The following NPC2 variants were observed in gnomAD, a reference collection of about 807,000 sequenced individuals.
NPC2 encodes Niemann-Pick disease type C2 protein.
A neutral mutation model predicts 17.0 loss-of-function variants in NPC2; 14 were observed. The ratio of observed to expected loss-of-function variants is 0.82; its 90% CI spans 0.54 to 1.29. The LOEUF is 1.29. Among genes scored for constraint, NPC2 ranks in the 50% most tolerant of loss-of-function variants. The probability of loss-of-function intolerance (pLI) is 0.00; values close to 1 mark genes in which losing one functional copy is unlikely to be tolerated. For synonymous variants in NPC2, 75 were observed against 69.3 expected (o/e 1.08, Z -0.41); for missense variants, 167 against 183.4 (o/e 0.91, Z 0.52).
At chr14:74,483,147 C>G (rs1225617422) in intron 3 of NPC2, 4 of 870,486 alleles carry the variant, frequency 4.6e-6, no homozygotes, top group Non-Finnish European at 7.7e-6. Flanking sequence ...ATACTGCAGG[C>G]ACAGGGCAAT....
chr14:74,491,332 A>G lies in NPC2; in HGVS notation c.82+1861T>C, dbSNP rs1366788588. On this transcript the variant is annotated intron_variant, in intron 1 of 4. Transcript: ENST00000555619. ...GTGATCTGCCCGTCTTGGCCTCCCA[A>G]AGTGCTGGGATTACAGGTGTGAGCC... Among the ~76,000 whole-genome samples, 3 of 152,124 alleles carry G rather than the reference A, an allele frequency of 2.0e-5. No homozygotes were observed. The East Asian group carries it at 5.8e-4, about 29-fold the overall frequency.
At chr14:74,480,331 C>G in intron 4 of NPC2, 43 bp from the exon 5 acceptor site, 1 of 1,518,266 alleles carries the variant, frequency 6.6e-7, no homozygotes, top group Non-Finnish European at 9.1e-7. Context: ...GGTTTGGAAC[C>G]TTTCCTCCAC....
chr14:74,493,132 C>CGG lies in NPC2; in HGVS notation c.82+59_82+60dup, dbSNP rs2086793890. 1 of 1,554,642 alleles carries CGG rather than the reference C, an allele frequency of 6.4e-7. No homozygotes were observed. Among genetic ancestry groups the CGG allele is most frequent in the Non-Finnish European group, 8.7e-7 (1 of 1,148,328 alleles). ...CAGCCCAGCCCCAGGGGTCTCAGCG[C>CGG]GGGGGTCCGGCGGGGCCTTCCACAG... On this transcript the variant is annotated intron_variant, in intron 1 of 4. Coordinates refer to ENST00000555619, the MANE Select transcript of NPC2 (RefSeq NM_006432.5). The surrounding 1 kb of genome is among the most constrained non-coding windows in gnomAD (Gnocchi z 4.1).
chr14:74,493,370 A>C (rs1383357995), upstream of NPC2: 11 of 1,552,700 alleles, frequency 7.1e-6, no homozygotes, highest in Admixed American at 9.8e-5. The surrounding 1 kb of genome is among the most constrained non-coding windows in gnomAD (Gnocchi z 4.1). Context: ...GAGCCCAGTC[A>C]GGCGACCTGT....
chr14:74,484,508 A>G lies in NPC2; in HGVS notation c.270T>C (p.Pro90=), dbSNP rs758503440. 78 of 1,614,026 alleles carry G rather than the reference A, an allele frequency of 4.8e-5. No homozygotes were observed. The highest frequency in any genetic ancestry group is 6.4e-5 in the Non-Finnish European group (75 of 1,180,036). The part of the protein sequence containing the change: ...GVPVPFPIPE[P]DGCKSGINCP... ...AGTTAATTCCACTCTTACAACCATC[A>G]GGCTCAGGAATGGGAAAGGGAACTG... The change falls in exon 3 of 5, where the codon CCT becomes CCC. Residue 90 remains proline, a synonymous_variant. Transcript: ENST00000555619.
At chr14:74,493,405 G>C (rs1034705388), upstream of NPC2, 1 of 1,530,764 alleles carries the variant, frequency 6.5e-7, no homozygotes, top group Non-Finnish European at 8.8e-7. The surrounding 1 kb of genome is among the most constrained non-coding windows in gnomAD (Gnocchi z 4.1). Flanking sequence ...GCTGAGGCCC[G>C]CCCGCGCCCC....
chr14:74,484,664 T>TCCCA, intron 2 of NPC2, 77 bp from the exon 3 acceptor site: 1 of 1,407,756 alleles, frequency 7.1e-7, no homozygotes, highest in Admixed American at 1.9e-5. Context: ...TCAGAAATAA[T>TCCCA]CCCAAGCAAC....
chr14:74,482,924 G>A, intron 3 of NPC2: 1 of 500,656 alleles, frequency 2.0e-6, no homozygotes, highest in South Asian at 2.0e-5. Flanking sequence ...AGGAGGAGGT[G>A]GAGGAGGTGC....
chr14:74,486,324 C>T lies in NPC2; in HGVS notation c.190+5G>A, dbSNP rs80358268. 2.0e-5 allele frequency: 31 copies of T among 1,583,322 alleles called. No homozygotes were observed. Among genetic ancestry groups the T allele is most frequent in the South Asian group, 5.8e-5 (5 of 86,666 alleles). ...GAATTTGAGTTAAGAGCCACTTTTA[C>T]GCACTGCTGGTGAAGGTGACATTGA... On this transcript the variant is annotated splice_donor_5th_base_variant and intron_variant, in intron 2 of 4. Coordinates refer to ENST00000555619, the MANE Select transcript of NPC2 (RefSeq NM_006432.5).
chr14:74,484,984 G>C (rs1477312065), intron 2 of NPC2, among the ~76,000 whole-genome samples: 1 of 152,164 alleles, frequency 6.6e-6, no homozygotes, highest in Admixed American at 6.5e-5. Context: ...AACAGTGAAA[G>C]AGGTAACCCT....
intron 3 of NPC2, among the ~76,000 whole-genome samples, chr14:74,483,892 T>G (rs1566602100): frequency 6.6e-6 from 1 of 152,266 alleles, no homozygotes; most frequent in Non-Finnish European, 1.5e-5. Flanking sequence ...ATATCTGTAA[T>G]GATATTGATA....
intron 3 of NPC2, among the ~76,000 whole-genome samples, chr14:74,481,564 T>C (rs1262505827): frequency 1.3e-5 from 2 of 152,188 alleles, no homozygotes; most frequent in African/African-American, 2.4e-5. Context: ...AATGTAACCA[T>C]GAAGAGCAGA....
Position 74,493,204 on chromosome 14 carries a change from A to C in NPC2, c.71T>G (p.Phe24Cys). 1 of 1,611,210 alleles carries C rather than the reference A, an allele frequency of 6.2e-7. No homozygotes were observed. Among genetic ancestry groups the C allele is most frequent in the Non-Finnish European group, 8.5e-7 (1 of 1,179,186 alleles). The change falls in exon 1 of 5, where the codon TTC becomes TGC. Residue 24 changes from phenylalanine to cysteine, a missense_variant. By Grantham distance (205) the Phe-to-Cys change is radical. Coordinates refer to ENST00000555619, the MANE Select transcript of NPC2 (RefSeq NM_006432.5). This position sits in a 1 kb window ranked among gnomAD's most constrained non-coding sequence, Gnocchi z 4.1. ...GGCCTGGGGCTCACCGCAGTCCTTG[A>C]ACTGCACCGGTTCGGCCTGGGCAGC... ...STAAQAEPVQ[F>C]KDCGSVDGVI...
chr14:74,482,634 C>A (rs1191567809), intron 3 of NPC2, among the ~76,000 whole-genome samples: 1 of 152,158 alleles, frequency 6.6e-6, no homozygotes, highest in African/African-American at 2.4e-5. Context: ...TTATTTGGTA[C>A]CTGGCTAAAA....
At position 74,493,171 on chromosome 14, in the gene NPC2, C is replaced by T; in HGVS notation, c.82+22G>A. On this transcript the variant is annotated intron_variant, in intron 1 of 4. Transcript: ENST00000555619. This position sits in a 1 kb window ranked among gnomAD's most constrained non-coding sequence, Gnocchi z 4.1. The stretch of plus-strand genomic sequence containing the variant: ...GGCCTTCCACAGAGGGCGCGGGAAC[C>T]TTGGGCGGGCCTGGGGCTCACCGCA... The T allele has an allele frequency of 6.3e-7, 1 of 1,598,084 alleles. No individual in the cohort carries two copies. Among genetic ancestry groups the T allele is most frequent in the Non-Finnish European group, 8.5e-7 (1 of 1,173,642 alleles).
chr14:74,482,311 T>C (rs2086663987), intron 3 of NPC2, among the ~76,000 whole-genome samples: 1 of 152,240 alleles, frequency 6.6e-6, no homozygotes, highest in Admixed American at 6.5e-5. Flanking sequence ...TTCTACTTGA[T>C]TTCAAGAAAT....
At chr14:74,484,773 A>AAC (rs1555345900) in intron 2 of NPC2, among the ~76,000 whole-genome samples, 186 bp from the exon 3 acceptor site, 26 of 145,698 alleles carry the variant, frequency 1.8e-4, no homozygotes, top group African/African-American at 5.5e-4. Context: ...AAAAAAAAAA[A>AAC]AAAAACAATC....
intron 1 of NPC2, among the ~76,000 whole-genome samples, chr14:74,491,917 C>T (rs8015894): frequency 0.23 from 34,559 of 152,068 alleles, 4,375 homozygotes; most frequent in African/African-American, 0.33. Context: ...AACAAATTAG[C>T]TACGAGTTTA....
chr14:74,487,286 T>TTTTTA (rs2086724151), intron 1 of NPC2, among the ~76,000 whole-genome samples: 1 of 150,400 alleles, frequency 6.6e-6, no homozygotes, highest in Non-Finnish European at 1.5e-5. Context: ...TTTTTTTTTT[T>TTTTTA]GAGACAGGGT....
Sources: allele counts gnomAD v4.1 joint callset (sites outside exome capture counted in the v4.1 genomes callset), GRCh38; gene constraint gnomAD v4.1.1; non-coding constraint Gnocchi (gnomAD v3.1); transcripts MANE v1.5; gene names NCBI Gene and HGNC (gene_info 2026-07-23, HGNC 2026-07-21).